Variants in TTC28 observed in about 807,000 individuals in gnomAD.
The protein encoded by TTC28 is tetratricopeptide repeat domain 28, also known as tetratricopeptide repeat protein 28.
TTC28 carries 61 observed loss-of-function variants against 198.0 expected under a neutral mutation model. The ratio of observed to expected loss-of-function variants is 0.31; its 90% CI spans 0.25 to 0.38. The LOEUF (loss-of-function observed/expected upper bound fraction) is 0.38, where lower values mean the gene tolerates loss of function less well. Among genes scored for constraint, TTC28 ranks in the 10% least tolerant of loss-of-function variants. The probability of loss-of-function intolerance (pLI) is 1.00; values close to 1 mark genes in which losing one functional copy is unlikely to be tolerated. For missense variants in TTC28, 2,678 were observed against 3,164.0 expected, an observed-to-expected ratio of 0.85 and a Z score of 3.69; for synonymous variants, 1,171 against 1,297.8, an observed-to-expected ratio of 0.90 and a Z score of 2.10.
At chr22:28,108,823 A>G (rs556774809) in intron 6 of TTC28, among the ~76,000 whole-genome samples, 2 of 152,388 alleles carry the variant, frequency 1.3e-5, no homozygotes, top group East Asian at 3.9e-4. Flanking sequence ...TCACATCCAC[A>G]GAAATACAAA....
intron 12 of TTC28, among the ~76,000 whole-genome samples, chr22:28,039,599 A>G (rs952149380): frequency 6.6e-6 from 1 of 152,194 alleles, no homozygotes; most frequent in Non-Finnish European, 1.5e-5. Context: ...CAGCACACCA[A>G]CATGGCACAT....
chr22:28,247,941 CA>C (rs1052628742), intron 5 of TTC28, among the ~76,000 whole-genome samples: 1 of 151,724 alleles, frequency 6.6e-6, no homozygotes, highest in Non-Finnish European at 1.5e-5. Context: ...ATTTTTAATA[CA>C]AAAAAAATCC....
Position 28,525,173 on chromosome 22 carries a change from C to T in TTC28, c.381+104379G>A, listed in dbSNP as rs553631874. Among the ~76,000 whole-genome samples the T allele has an allele frequency of 2.0e-5, 3 of 152,020 alleles. No individual in the cohort carries two copies. In the South Asian group the frequency reaches 6.2e-4, roughly 32 times the overall value. On this transcript the variant is annotated intron_variant, in intron 2 of 22. Transcript: ENST00000397906. ...TGGGGGTTTTATTGTGTGTGTGAAA[C>T]GGGTCTCACTCTGTCACCGAGGCTG...
chr22:28,473,633 G>A (rs2048126432), intron 2 of TTC28, among the ~76,000 whole-genome samples: 1 of 152,132 alleles, frequency 6.6e-6, no homozygotes, highest in Non-Finnish European at 1.5e-5. Flanking sequence ...CTGCCTATGG[G>A]GTACCTCTGC....
At chr22:28,454,063 T>C (rs1232373665) in intron 2 of TTC28, among the ~76,000 whole-genome samples, 2 of 152,218 alleles carry the variant, frequency 1.3e-5, no homozygotes, top group African/African-American at 2.4e-5. Flanking sequence ...TCCTGAGGGA[T>C]AGGTATTTCC....
In TTC28 at chr22:28,405,116, C is replaced by A. The variant is rs140783775; in HGVS notation, c.382-98473G>T. Among the ~76,000 whole-genome samples the A allele has an allele frequency of 6.4e-3, 976 of 152,238 alleles. 6 individuals are homozygous for A. Among genetic ancestry groups the A allele is most frequent in the Middle Eastern group, 0.01 (3 of 294 alleles). On this transcript the variant is annotated intron_variant, in intron 2 of 22. Coordinates refer to ENST00000397906, the MANE Select transcript of TTC28 (RefSeq NM_001145418.2). The stretch of plus-strand genomic sequence containing the variant: ...AGTCTGTAAGATCATGTTCATTCTG[C>A]TAAAAGGATCATATGTCAGTTTTTA...
chr22:28,228,792 T>C (rs1298668418), intron 5 of TTC28, among the ~76,000 whole-genome samples: 2 of 152,182 alleles, frequency 1.3e-5, no homozygotes. Context: ...GATCCTTTTA[T>C]TGGTAGGAAC....
intron 5 of TTC28, among the ~76,000 whole-genome samples, chr22:28,184,573 A>T (rs552278574): frequency 1.3e-5 from 2 of 151,570 alleles, no homozygotes. Flanking sequence ...ACATTTTTAA[A>T]TTTTTTTTTA....
chr22:28,339,923 A>C (rs1443261303), intron 2 of TTC28, among the ~76,000 whole-genome samples: 1 of 152,086 alleles, frequency 6.6e-6, no homozygotes, highest in Non-Finnish European at 1.5e-5. Flanking sequence ...AACACTCCCC[A>C]GTGAGATGAA....
chr22:28,404,129 G>GTTTT (rs986979851), intron 2 of TTC28, among the ~76,000 whole-genome samples: 5 of 152,088 alleles, frequency 3.3e-5, no homozygotes, highest in Non-Finnish European at 1.5e-5. Context: ...TTGTTTGTTT[G>GTTTT]TTTTTTGTGA....
At chr22:28,179,947 A>G (rs1468679811) in intron 5 of TTC28, among the ~76,000 whole-genome samples, 3 of 152,202 alleles carry the variant, frequency 2.0e-5, no homozygotes, top group Admixed American at 2.0e-4. Context: ...TTTTATAGAA[A>G]AAACAAATTT....
intron 12 of TTC28, among the ~76,000 whole-genome samples, chr22:28,050,882 C>T (rs1940061877): frequency 6.6e-6 from 1 of 152,102 alleles, no homozygotes. Flanking sequence ...AATGAAAATG[C>T]ATATTCTAAT....
intron 5 of TTC28, among the ~76,000 whole-genome samples, chr22:28,176,285 T>C (rs968606752): frequency 2.6e-5 from 4 of 152,088 alleles, no homozygotes; most frequent in Non-Finnish European, 5.9e-5. Context: ...CTGGAGAACA[T>C]TGTGTTAAGT....
rs115350776 is a variant in TTC28 at position 28,203,481 on chromosome 22, G to T, written c.934-39882C>A. On this transcript the variant is annotated intron_variant, in intron 5 of 22. Coordinates refer to ENST00000397906, the MANE Select transcript of TTC28 (RefSeq NM_001145418.2). Reference sequence around the variant, plus strand: ...AATGGCCCTAAGGTCCCCAGTGCCTGACTGTGCTCATATAAAAGGAAGTGT... The same window carrying T: ...AATGGCCCTAAGGTCCCCAGTGCCTTACTGTGCTCATATAAAAGGAAGTGT... Among the ~76,000 whole-genome samples, 962 of 152,214 alleles carry T rather than the reference G, an allele frequency of 6.3e-3. 11 individuals are homozygous for T. Among genetic ancestry groups the T allele is most frequent in the African/African-American group, 0.022 (904 of 41,534 alleles).
chr22:28,604,683 G>A (rs549480478), intron 2 of TTC28, among the ~76,000 whole-genome samples: 2 of 152,188 alleles, frequency 1.3e-5, no homozygotes, highest in South Asian at 4.1e-4. Flanking sequence ...GGCAGAGGTT[G>A]CAGTGAGCTG....
chr22:28,048,645 C>T lies in TTC28; in HGVS notation c.3933-18279G>A, dbSNP rs73880378. 9.0e-3 allele frequency among the ~76,000 whole-genome samples: 1,368 copies of T among 152,220 alleles called. 21 individuals carry two copies. The highest frequency in any genetic ancestry group is 0.031 in the African/African-American group (1,294 of 41,528). On this transcript the variant is annotated intron_variant, in intron 12 of 22. Transcript: ENST00000397906. ...ACTGCCTGAGTCCACATATGCTGTC[C>T]ACCACCTAGAGGACAGTGCAGAGTC...
At chr22:27,991,161 C>A (rs1017527518) in intron 19 of TTC28, among the ~76,000 whole-genome samples, 19 of 152,330 alleles carry the variant, frequency 1.2e-4, no homozygotes, top group African/African-American at 4.6e-4. Flanking sequence ...AAAGGTCCAC[C>A]AGCTGCCACC....
chr22:28,245,680 T>C (rs918618299), intron 5 of TTC28, among the ~76,000 whole-genome samples: 22 of 152,322 alleles, frequency 1.4e-4, no homozygotes, highest in African/African-American at 5.3e-4. Context: ...TTAAACATTG[T>C]AGTCTTTCTC....
chr22:28,161,778 G>C (rs1921227089), intron 6 of TTC28, among the ~76,000 whole-genome samples: 1 of 144,766 alleles, frequency 6.9e-6, no homozygotes, highest in Non-Finnish European at 1.5e-5. Flanking sequence ...GGAAGGAAGA[G>C]AGGAATGGAG....
Sources: gnomAD v4.1 joint callset for allele counts (sites outside exome capture counted in the v4.1 genomes callset) on GRCh38, gnomAD v4.1.1 for gene constraint, MANE v1.5 for transcripts, NCBI Gene and HGNC (gene_info 2026-07-23, HGNC 2026-07-21) for gene names.